NLGN1: variants seen among roughly 807,000 people sequenced by gnomAD.
NLGN1 encodes the protein neuroligin 1.
Under a neutral mutation model 65.5 loss-of-function variants are expected in NLGN1, and 12 were observed. The ratio of observed to expected loss-of-function variants is 0.18; its 90% CI spans 0.12 to 0.30. The LOEUF is 0.30. Among genes scored for constraint, NLGN1 ranks in the 10% least tolerant of loss-of-function variants. NLGN1 has a pLI of 1.00. For synonymous variants in NLGN1, 350 were observed against 359.5 expected (o/e 0.97, Z 0.30); for missense variants, 750 against 1,007.1 (o/e 0.74, Z 3.46).
At chr3:174,176,378 G>C (rs564937482) in intron 4 of NLGN1, among the ~76,000 whole-genome samples, 1 of 151,578 alleles carries the variant, frequency 6.6e-6, no homozygotes, top group East Asian at 1.9e-4. Context: ...GTTAATTCTA[G>C]TTTTTTATAG....
chr3:173,862,524 A>G (rs1423448460), intron 4 of NLGN1, among the ~76,000 whole-genome samples: 1 of 149,966 alleles, frequency 6.7e-6, no homozygotes, highest in Non-Finnish European at 1.5e-5. Flanking sequence ...AAAAAAAAAA[A>G]AAAAAAGAAA....
intron 2 of NLGN1, among the ~76,000 whole-genome samples, chr3:173,449,709 A>T (rs1272940335): frequency 6.6e-6 from 1 of 152,160 alleles, no homozygotes; most frequent in Non-Finnish European, 1.5e-5. Context: ...AGTTCTTTGC[A>T]GGTCACTAAG....
chr3:173,919,517 A>T (rs1180095108), intron 4 of NLGN1, among the ~76,000 whole-genome samples: 1 of 152,140 alleles, frequency 6.6e-6, no homozygotes, highest in Non-Finnish European at 1.5e-5. Flanking sequence ...AGGAAACAGG[A>T]CTCCTAGAAA....
At chr3:174,231,293 G>A (rs528764333) in intron 4 of NLGN1, among the ~76,000 whole-genome samples, 1 of 152,330 alleles carries the variant, frequency 6.6e-6, no homozygotes, top group South Asian at 2.1e-4. Context: ...GACTCCGGGT[G>A]TGCCTGCTGG....
intron 4 of NLGN1, among the ~76,000 whole-genome samples, chr3:174,254,450 A>C (rs1745318309): frequency 6.6e-6 from 1 of 151,454 alleles, no homozygotes; most frequent in Non-Finnish European, 1.5e-5. Context: ...CATTGCATCT[A>C]ACTTGAGACT....
intron 4 of NLGN1, among the ~76,000 whole-genome samples, chr3:174,247,104 T>G (rs1743931900): frequency 6.6e-6 from 1 of 152,224 alleles, no homozygotes; most frequent in Admixed American, 6.5e-5. Flanking sequence ...GGCTCATTTC[T>G]ACCTATCTTA....
At chr3:173,956,968 A>T (rs556567883) in intron 4 of NLGN1, among the ~76,000 whole-genome samples, 133 of 152,148 alleles carry the variant, frequency 8.7e-4, no homozygotes, top group Admixed American at 2.1e-3. Flanking sequence ...GATTTTTTTT[A>T]AAAATGAGTT....
intron 4 of NLGN1, among the ~76,000 whole-genome samples, chr3:174,087,804 A>G (rs978429709): frequency 1.3e-5 from 2 of 152,220 alleles, no homozygotes; most frequent in African/African-American, 4.8e-5. Flanking sequence ...ATAATTAATT[A>G]TGAATAAGAA....
chr3:173,465,929 G>T (rs1386824001), intron 2 of NLGN1, among the ~76,000 whole-genome samples: 1 of 152,172 alleles, frequency 6.6e-6, no homozygotes, highest in Non-Finnish European at 1.5e-5. Context: ...TTGGTGACTT[G>T]TGAGTTGTTG....
chr3:173,943,516 T>G (rs1197977788), intron 4 of NLGN1, among the ~76,000 whole-genome samples: 1 of 152,148 alleles, frequency 6.6e-6, no homozygotes, highest in East Asian at 1.9e-4. Context: ...TCTGAGCTGT[T>G]TCCTCTTTGT....
At chr3:173,486,579 C>T (rs1728212961) in intron 2 of NLGN1, among the ~76,000 whole-genome samples, 1 of 152,144 alleles carries the variant, frequency 6.6e-6, no homozygotes, top group African/African-American at 2.4e-5. Flanking sequence ...TTGTACCACC[C>T]TGATTTACTT....
At chr3:174,284,267 C>CTAGT (rs1751874333) in exon 7 of NLGN1, 1 of 151,288 alleles carries the variant, frequency 6.6e-6, no homozygotes, top group Non-Finnish European at 1.5e-5. Flanking sequence ...ATTGCAGTCT[C>CTAGT]TAGTTTCTGA....
At chr3:173,681,719 C>T (rs1012898435) in intron 3 of NLGN1, among the ~76,000 whole-genome samples, 3 of 152,174 alleles carry the variant, frequency 2.0e-5, no homozygotes, top group African/African-American at 7.2e-5. Context: ...TACTTAAGCT[C>T]TCTGCACCGT....
chr3:173,876,960 T>C (rs942469781), intron 4 of NLGN1, among the ~76,000 whole-genome samples: 1 of 152,138 alleles, frequency 6.6e-6, no homozygotes. Context: ...GACACCAAAG[T>C]AATAATTGCT....
At chr3:173,654,845 GA>G (rs1759739591) in intron 3 of NLGN1, among the ~76,000 whole-genome samples, 1 of 152,106 alleles carries the variant, frequency 6.6e-6, no homozygotes, top group South Asian at 2.1e-4. Context: ...TGCATAGGAG[GA>G]AAAGAATTAA....
chr3:173,540,362 C>T (rs1738643540), intron 2 of NLGN1, among the ~76,000 whole-genome samples: 1 of 152,156 alleles, frequency 6.6e-6, no homozygotes, highest in African/African-American at 2.4e-5. Flanking sequence ...CAGCTTTTCA[C>T]ATCACTCAGT....
chr3:174,078,496 T>C (rs1312262199), intron 4 of NLGN1, among the ~76,000 whole-genome samples: 1 of 152,152 alleles, frequency 6.6e-6, no homozygotes, highest in Non-Finnish European at 1.5e-5. Context: ...TTTATGTGTG[T>C]ATAGGATTAG....
chr3:174,001,699 G>A (rs936024671), intron 4 of NLGN1, among the ~76,000 whole-genome samples: 1 of 152,114 alleles, frequency 6.6e-6, no homozygotes, highest in African/African-American at 2.4e-5. Flanking sequence ...GATAATCCAT[G>A]TACAACAGTT....
intron 4 of NLGN1, among the ~76,000 whole-genome samples, chr3:174,267,278 A>G (rs1455986787): frequency 6.6e-6 from 1 of 152,180 alleles, no homozygotes; most frequent in Non-Finnish European, 1.5e-5. Context: ...GCTTCCACTC[A>G]TGGTGGGAGG....
Sources: allele counts gnomAD v4.1 joint callset (sites outside exome capture counted in the v4.1 genomes callset), GRCh38; gene constraint gnomAD v4.1.1; transcripts MANE v1.5; gene names NCBI Gene and HGNC (gene_info 2026-07-23, HGNC 2026-07-21).